Variants in PRELID2 observed in about 807,000 individuals in gnomAD.
PRELID2 encodes the protein PRELI domain containing 2.
PRELID2 carries 25 observed loss-of-function variants against 28.4 expected under a neutral mutation model. The ratio of observed to expected loss-of-function variants is 0.88; its 90% CI spans 0.64 to 1.23. The LOEUF (loss-of-function observed/expected upper bound fraction) is 1.23. PRELID2 is among the 50% of genes most tolerant of loss of function. The pLI, the probability that PRELID2 is intolerant of heterozygous loss-of-function variation, is 0.00. For missense variants in PRELID2, 201 were observed against 214.4 expected (o/e 0.94, Z 0.39); for synonymous variants, 76 against 71.6 (o/e 1.06, Z -0.31).
intron 5 of PRELID2, among the ~76,000 whole-genome samples, chr5:145,784,723 C>G (rs1475866362): frequency 6.7e-6 from 1 of 149,126 alleles, no homozygotes; most frequent in Non-Finnish European, 1.5e-5. Context: ...TGTAATGACA[C>G]AGAAAAAAAT....
intron 1 of PRELID2, among the ~76,000 whole-genome samples, chr5:145,487,646 T>C (rs569756651): frequency 6.6e-6 from 1 of 152,116 alleles, no homozygotes; most frequent in Non-Finnish European, 1.5e-5. Context: ...TCACATCACA[T>C]CCTAGAACAG....
intron 1 of PRELID2, among the ~76,000 whole-genome samples, chr5:145,632,343 A>G (rs1255150417): frequency 6.6e-6 from 1 of 152,240 alleles, no homozygotes; most frequent in Non-Finnish European, 1.5e-5. Context: ...CACCTGGTTA[A>G]TTGTAATAAC....
chr5:145,743,046 A>G (rs552346190), intron 1 of PRELID2, among the ~76,000 whole-genome samples: 1 of 152,184 alleles, frequency 6.6e-6, no homozygotes, highest in East Asian at 1.9e-4. Flanking sequence ...TAGCCCTTTC[A>G]AGTATTAAGA....
chr5:145,229,607 G>C, the PRELID2 span: 1 of 1,171,858 alleles, frequency 8.5e-7, no homozygotes, highest in Non-Finnish European at 1.3e-6. Flanking sequence ...GCACGGTGTG[G>C]GCTTATTGCC....
At chr5:145,823,393 T>C (rs745987145) in intron 1 of PRELID2, among the ~76,000 whole-genome samples, 44 of 152,222 alleles carry the variant, frequency 2.9e-4, no homozygotes, top group Non-Finnish European at 5.7e-4. Context: ...GTTAAGCTAA[T>C]CAGTAAATAA....
chr5:145,772,901 C>T (rs1356125827), intron 5 of PRELID2, among the ~76,000 whole-genome samples: 1 of 152,114 alleles, frequency 6.6e-6, no homozygotes, highest in Admixed American at 6.5e-5. Context: ...GTTTTAAAGA[C>T]AATGTTTTTT....
At chr5:145,398,218 C>G in the PRELID2 span, among the ~76,000 whole-genome samples, 1 of 152,070 alleles carries the variant, frequency 6.6e-6, no homozygotes, top group Non-Finnish European at 1.5e-5. Flanking sequence ...CACTCACATG[C>G]CATGCAAAAT....
At chr5:145,502,548 CA>C (rs1198161491) in intron 1 of PRELID2, among the ~76,000 whole-genome samples, 1 of 152,118 alleles carries the variant, frequency 6.6e-6, no homozygotes, top group East Asian at 1.9e-4. Flanking sequence ...TTGTCTGCCA[CA>C]TTTCCATTAC....
At chr5:145,244,663 T>C in the PRELID2 span, among the ~76,000 whole-genome samples, 1 of 152,214 alleles carries the variant, frequency 6.6e-6, no homozygotes, top group African/African-American at 2.4e-5. Context: ...GTAAGTAAAA[T>C]TTCTTCATAG....
intron 1 of PRELID2, among the ~76,000 whole-genome samples, chr5:145,654,760 G>C (rs1183073877): frequency 6.6e-6 from 1 of 152,024 alleles, no homozygotes; most frequent in Non-Finnish European, 1.5e-5. Context: ...AAAATAATAA[G>C]AGCTATTTAT....
chr5:145,509,610 A>C (rs1752443642), intron 1 of PRELID2, among the ~76,000 whole-genome samples: 1 of 152,220 alleles, frequency 6.6e-6, no homozygotes, highest in South Asian at 2.1e-4. Flanking sequence ...ATGATTCACA[A>C]AGTGCACAGT....
At chr5:145,334,043 T>C in the PRELID2 span, among the ~76,000 whole-genome samples, 2 of 152,036 alleles carry the variant, frequency 1.3e-5, no homozygotes, top group African/African-American at 2.4e-5. Flanking sequence ...GGAATTCCCT[T>C]GTCCTTCCTG....
intron 1 of PRELID2, among the ~76,000 whole-genome samples, chr5:145,739,928 A>T (rs1257921960): frequency 6.9e-6 from 1 of 145,124 alleles, no homozygotes; most frequent in Non-Finnish European, 1.5e-5. Context: ...AAAAAGAAAG[A>T]AAACAAAGAA....
chr5:145,371,175 C>T, the PRELID2 span, among the ~76,000 whole-genome samples: 1 of 152,118 alleles, frequency 6.6e-6, no homozygotes, highest in Non-Finnish European at 1.5e-5. Context: ...TGAGAAAGGG[C>T]AGCCTTGTCT....
chr5:145,659,144 A>C (rs1456312375), intron 1 of PRELID2, among the ~76,000 whole-genome samples: 4 of 152,282 alleles, frequency 2.6e-5, no homozygotes, highest in East Asian at 3.9e-4. Flanking sequence ...CACAGACTTC[A>C]AGGTCAGCAA....
the PRELID2 span, among the ~76,000 whole-genome samples, chr5:145,230,655 G>A: frequency 5.7e-3 from 872 of 152,276 alleles, 7 homozygotes; most frequent in African/African-American, 0.019. Flanking sequence ...AGTACTGTGT[G>A]ATTAAAAAGA....
At chr5:145,276,658 A>T in the PRELID2 span, among the ~76,000 whole-genome samples, 1 of 152,126 alleles carries the variant, frequency 6.6e-6, no homozygotes, top group Non-Finnish European at 1.5e-5. Flanking sequence ...TATGTGACTC[A>T]TCTAGTTGGT....
intron 1 of PRELID2, among the ~76,000 whole-genome samples, chr5:145,580,374 G>A (rs928064079): frequency 1.3e-5 from 2 of 152,048 alleles, no homozygotes; most frequent in African/African-American, 4.8e-5. Context: ...CAGTGTTCAT[G>A]GATGTCAATT....
chr5:145,341,498 C>G, the PRELID2 span, among the ~76,000 whole-genome samples: 1 of 151,864 alleles, frequency 6.6e-6, no homozygotes, highest in Non-Finnish European at 1.5e-5. Context: ...CAAGACTGAG[C>G]CACTGCACTC....
Sources: allele counts gnomAD v4.1 joint callset (sites outside exome capture counted in the v4.1 genomes callset), GRCh38; gene constraint gnomAD v4.1.1; transcripts MANE v1.5; gene names NCBI Gene and HGNC (gene_info 2026-07-23, HGNC 2026-07-21).